The following PLXNA4 variants were observed in gnomAD, a reference collection of about 807,000 sequenced individuals.
The protein encoded by PLXNA4 is plexin A4, also known as plexin-A4.
In PLXNA4, 44 loss-of-function variants were observed where a neutral mutation model predicts 191.8. That is an observed-to-expected ratio of 0.23 (90% CI 0.18 to 0.29). The LOEUF (loss-of-function observed/expected upper bound fraction) is 0.29, where lower values mean the gene tolerates loss of function less well. Ranked by LOEUF, PLXNA4 falls within the 10% of genes least tolerant of loss-of-function variation. The probability of loss-of-function intolerance (pLI) is 1.00; values close to 1 mark genes in which losing one functional copy is unlikely to be tolerated. For missense variants in PLXNA4, 1,800 were observed against 2,488.8 expected (o/e 0.72, Z 5.89); for synonymous variants, 1,082 against 1,009.5 (o/e 1.07, Z -1.36).
chr7:132,381,898 G>A (rs996064852), intron 3 of PLXNA4, among the ~76,000 whole-genome samples: 5 of 152,266 alleles, frequency 3.3e-5, no homozygotes, highest in East Asian at 3.9e-4. Flanking sequence ...GCGTCTGGTC[G>A]TCATCTGTGC....
At chr7:132,285,942 A>G (rs1269943778) in intron 4 of PLXNA4, among the ~76,000 whole-genome samples, 1 of 151,986 alleles carries the variant, frequency 6.6e-6, no homozygotes, top group Non-Finnish European at 1.5e-5. Flanking sequence ...CCCACCCACA[A>G]ATGAGGATCA....
At chr7:132,134,493 G>A (rs531805193) in intron 30 of PLXNA4, among the ~76,000 whole-genome samples, 1 of 152,214 alleles carries the variant, frequency 6.6e-6, no homozygotes, top group Non-Finnish European at 1.5e-5. Flanking sequence ...TCCCTGCTTT[G>A]AGCCACAGTG....
chr7:132,338,729 G>T (rs1294397147), intron 3 of PLXNA4, among the ~76,000 whole-genome samples: 1 of 152,118 alleles, frequency 6.6e-6, no homozygotes, highest in African/African-American at 2.4e-5. Context: ...GGTGGATGGT[G>T]GTCTGTGGGG....
intron 3 of PLXNA4, among the ~76,000 whole-genome samples, chr7:132,434,139 T>C (rs1418782742): frequency 6.6e-6 from 1 of 152,232 alleles, no homozygotes; most frequent in African/African-American, 2.4e-5. Context: ...TTTCCGTTCC[T>C]ATTTCCTCAG....
At chr7:132,153,533 T>C (rs958105016) in intron 25 of PLXNA4, among the ~76,000 whole-genome samples, 1 of 152,126 alleles carries the variant, frequency 6.6e-6, no homozygotes, top group African/African-American at 2.4e-5. Flanking sequence ...GGCCAGGTCA[T>C]GCCTGTAGAG....
At chr7:132,321,204 G>C (rs952020552) in intron 3 of PLXNA4, among the ~76,000 whole-genome samples, 2 of 152,120 alleles carry the variant, frequency 1.3e-5, no homozygotes, top group African/African-American at 2.4e-5. Context: ...TCCTGACAAA[G>C]AGAAGAGCTT....
intron 3 of PLXNA4, among the ~76,000 whole-genome samples, chr7:132,420,592 T>C (rs1248023451): frequency 6.6e-6 from 1 of 152,212 alleles, no homozygotes; most frequent in East Asian, 1.9e-4. Context: ...TCTTTTCAAA[T>C]TTACATTTTA....
At chr7:132,387,616 C>A (rs544731682) in intron 3 of PLXNA4, among the ~76,000 whole-genome samples, 1 of 152,182 alleles carries the variant, frequency 6.6e-6, no homozygotes, top group South Asian at 2.1e-4. Context: ...CCAAAGGAAG[C>A]CCAGGAGAGT....
intron 29 of PLXNA4, among the ~76,000 whole-genome samples, chr7:132,141,248 A>G (rs2116543861): frequency 6.6e-6 from 1 of 151,786 alleles, no homozygotes; most frequent in African/African-American, 2.4e-5. Context: ...TTTGTATCTG[A>G]CTCTCTGCCA....
chr7:132,421,164 G>A (rs1265449509), intron 3 of PLXNA4, among the ~76,000 whole-genome samples: 23 of 152,110 alleles, frequency 1.5e-4, no homozygotes, highest in Admixed American at 1.4e-3. Context: ...ACTACTCCAG[G>A]TACTTTATGT....
chr7:132,178,727 CACACTTGTAAATGAAACACAT>C lies in PLXNA4; in HGVS notation c.3874+939_3874+959del, dbSNP rs1242412822. Among the ~76,000 whole-genome samples the C allele has an allele frequency of 4.4e-3, 528 of 121,204 alleles. 15 individuals are homozygous for C. The highest frequency in any genetic ancestry group is 0.021 in the African/African-American group (489 of 23,484). The allele number at this position is 121,204 out of a possible 152,430, so 79.5% of individuals were successfully genotyped here. On this transcript the variant is annotated intron_variant, in intron 20 of 31. Transcript: ENST00000321063. Reference sequence around the variant, plus strand: ...ACACATACACATACACACACACACACACACTTGTAAATGAAACACATACACACACACACACACACACACACA... The same window carrying C: ...ACACATACACATACACACACACACACACACACACACACACACACACACACA...
chr7:132,620,745 G>A (rs189965045), intron 2 of PLXNA4, among the ~76,000 whole-genome samples: 1 of 152,286 alleles, frequency 6.6e-6, no homozygotes, highest in East Asian at 1.9e-4. Context: ...ATGTCTTAAA[G>A]CCCTTTCCAC....
At chr7:132,583,954 G>C (rs1306974865) in intron 2 of PLXNA4, among the ~76,000 whole-genome samples, 1 of 152,312 alleles carries the variant, frequency 6.6e-6, no homozygotes, top group Non-Finnish European at 1.5e-5. Flanking sequence ...TGCCAGGCCA[G>C]CTGCTGGAAA....
intron 19 of PLXNA4, 63 bp from the exon 20 acceptor site, chr7:132,179,984 CAA>C (rs1796652590): frequency 2.6e-6 from 4 of 1,519,326 alleles, no homozygotes; most frequent in Non-Finnish European, 3.5e-6. Flanking sequence ...GCAACAGTCC[CAA>C]GTTACCCATG....
intron 3 of PLXNA4, among the ~76,000 whole-genome samples, chr7:132,423,879 C>T (rs988344336): frequency 1.3e-5 from 2 of 152,190 alleles, no homozygotes; most frequent in Non-Finnish European, 2.9e-5. Flanking sequence ...CCACCACCAT[C>T]GGGGCCACAA....
At chr7:132,333,056 C>T (rs149580654) in intron 3 of PLXNA4, among the ~76,000 whole-genome samples, 90 of 152,330 alleles carry the variant, frequency 5.9e-4, no homozygotes, top group African/African-American at 2.1e-3. Flanking sequence ...TTTCATGACA[C>T]ATTAATGGGT....
intron 2 of PLXNA4, among the ~76,000 whole-genome samples, chr7:132,592,660 A>G (rs1320711585): frequency 6.6e-6 from 1 of 152,070 alleles, no homozygotes; most frequent in African/African-American, 2.4e-5. Flanking sequence ...AGAAATAAGA[A>G]ATAAGCCTCC....
At chr7:132,182,338 G>A (rs1796736664) in intron 16 of PLXNA4, 148 bp from the exon 17 acceptor site, 2 of 1,351,332 alleles carry the variant, frequency 1.5e-6, no homozygotes, top group Non-Finnish European at 1.0e-6. Flanking sequence ...CAAGCTGACT[G>A]CATAGTAATA....
intron 25 of PLXNA4, among the ~76,000 whole-genome samples, chr7:132,156,317 G>A (rs1467919554): frequency 6.6e-6 from 1 of 152,184 alleles, no homozygotes; most frequent in African/African-American, 2.4e-5. Context: ...GAGCTCGTCT[G>A]AGCTCTGAGG....
Sources: gnomAD v4.1 joint callset for allele counts (sites outside exome capture counted in the v4.1 genomes callset) on GRCh38, gnomAD v4.1.1 for gene constraint, MANE v1.5 for transcripts, NCBI Gene and HGNC (gene_info 2026-07-23, HGNC 2026-07-21) for gene names.